The following GRIP1 variants were observed in gnomAD, a reference collection of about 807,000 sequenced individuals.
GRIP1 encodes the protein glutamate receptor-interacting protein 1.
A neutral mutation model predicts 129.9 loss-of-function variants in GRIP1; 45 were observed. The observed-to-expected ratio is 0.35, with a 90% CI of 0.27 to 0.44. The LOEUF (loss-of-function observed/expected upper bound fraction) is 0.44. Among genes scored for constraint, GRIP1 ranks in the 20% least tolerant of loss-of-function variants. The pLI, the probability that GRIP1 is intolerant of heterozygous loss-of-function variation, is 1.00. For synonymous variants in GRIP1, 530 were observed against 520.8 expected (o/e 1.02, Z -0.24); for missense variants, 1,196 against 1,396.8 (o/e 0.86, Z 2.29).
chr12:66,693,474 C>T (rs1230876101), intron 1 of GRIP1, among the ~76,000 whole-genome samples: 3 of 152,136 alleles, frequency 2.0e-5, no homozygotes, highest in African/African-American at 7.2e-5. Flanking sequence ...AGGGTTCCTT[C>T]ATTCACTGTT....
intron 1 of GRIP1, among the ~76,000 whole-genome samples, chr12:66,829,790 C>T (rs115541803): frequency 6.6e-6 from 1 of 152,234 alleles, no homozygotes; most frequent in African/African-American, 2.4e-5. Flanking sequence ...TTAGGAAAGC[C>T]TGCAGAGAGA....
chr12:67,000,371 A>T (rs1172446614), intron 1 of GRIP1, among the ~76,000 whole-genome samples: 1 of 152,180 alleles, frequency 6.6e-6, no homozygotes, highest in Non-Finnish European at 1.5e-5. Context: ...CATTTTTTCT[A>T]GCTAAATAAC....
chr12:66,970,398 T>C (rs2042055871), intron 1 of GRIP1, among the ~76,000 whole-genome samples: 1 of 152,198 alleles, frequency 6.6e-6, no homozygotes, highest in African/African-American at 2.4e-5. Flanking sequence ...TGTAATTTTC[T>C]GTTGAAAGCT....
chr12:66,970,540 C>CT (rs3051201), intron 1 of GRIP1, among the ~76,000 whole-genome samples: 1,613 of 129,724 alleles, frequency 0.012, 44 homozygotes, highest in African/African-American at 0.034. Context: ...CCTCTAGTGT[C>CT]TTTTTTTTTT....
chr12:66,420,908 G>T, intron 14 of GRIP1, 119 bp from the exon 15 acceptor site: 1 of 691,398 alleles, frequency 1.4e-6, no homozygotes, highest in South Asian at 1.6e-5. Flanking sequence ...AACAAAGATG[G>T]TCAGCAAATG....
chr12:66,966,354 A>G (rs1283177343), intron 1 of GRIP1, among the ~76,000 whole-genome samples: 1 of 152,220 alleles, frequency 6.6e-6, no homozygotes, highest in Admixed American at 6.6e-5. Flanking sequence ...TGCAAAAATT[A>G]CAAATATTAC....
At chr12:66,843,574 C>T (rs561858984) in intron 1 of GRIP1, among the ~76,000 whole-genome samples, 2 of 152,138 alleles carry the variant, frequency 1.3e-5, no homozygotes, top group East Asian at 3.9e-4. Context: ...TACAAAGCTA[C>T]AGTAATCAAA....
intron 1 of GRIP1, among the ~76,000 whole-genome samples, chr12:66,614,713 G>T (rs1031462619): frequency 6.6e-6 from 1 of 152,064 alleles, no homozygotes; most frequent in African/African-American, 2.4e-5. Context: ...CCAGATACCT[G>T]ACCATGGTCT....
chr12:66,830,161 G>C (rs545442714), intron 1 of GRIP1, among the ~76,000 whole-genome samples: 1 of 152,142 alleles, frequency 6.6e-6, no homozygotes, highest in African/African-American at 2.4e-5. Context: ...GTTAGTCCCT[G>C]CAACAACTTA....
intron 14 of GRIP1, among the ~76,000 whole-genome samples, chr12:66,432,092 T>C (rs1022553927): frequency 1.3e-5 from 2 of 152,116 alleles, no homozygotes; most frequent in Non-Finnish European, 2.9e-5. Context: ...CAATACACTG[T>C]GAATTAATAT....
At chr12:66,490,058 A>G (rs1365960935) in intron 7 of GRIP1, among the ~76,000 whole-genome samples, 1 of 152,196 alleles carries the variant, frequency 6.6e-6, no homozygotes, top group African/African-American at 2.4e-5. Flanking sequence ...TACTGCCCAC[A>G]GTACAGTATA....
At chr12:66,939,580 T>C (rs1170435898) in intron 1 of GRIP1, among the ~76,000 whole-genome samples, 1 of 152,200 alleles carries the variant, frequency 6.6e-6, no homozygotes, top group African/African-American at 2.4e-5. Context: ...ATATCCTGTA[T>C]GCTATCATTC....
At chr12:66,533,588 T>C (rs2061517019) in intron 4 of GRIP1, among the ~76,000 whole-genome samples, 1 of 152,040 alleles carries the variant, frequency 6.6e-6, no homozygotes. Flanking sequence ...GAGGTTGCAG[T>C]GAGCCGAGAT....
chr12:66,594,067 CAAAAAA>C (rs10661389), intron 2 of GRIP1, among the ~76,000 whole-genome samples: 1 of 52,930 alleles, frequency 1.9e-5, no homozygotes, highest in Non-Finnish European at 3.1e-5. Context: ...GACTCCGTCT[CAAAAAA>C]AAAAAAAAAA....
At chr12:66,368,653 C>A (rs1468270679) in intron 23 of GRIP1, among the ~76,000 whole-genome samples, 1 of 152,190 alleles carries the variant, frequency 6.6e-6, no homozygotes, top group African/African-American at 2.4e-5. Flanking sequence ...CATGCCACCA[C>A]CGCAAAACAG....
chr12:66,738,075 G>A (rs1175931313), intron 1 of GRIP1, among the ~76,000 whole-genome samples: 1 of 152,158 alleles, frequency 6.6e-6, no homozygotes, highest in African/African-American at 2.4e-5. Flanking sequence ...AGGCCTGGGG[G>A]CAGAGAGAAG....
At chr12:66,472,398 T>C (rs11176209) in intron 7 of GRIP1, among the ~76,000 whole-genome samples, 8,506 of 152,270 alleles carry the variant, frequency 0.056, 522 homozygotes, top group East Asian at 0.21. Flanking sequence ...ATATATTCTA[T>C]TGAATCTCAT....
At chr12:66,725,330 A>C (rs2036218946) in intron 1 of GRIP1, among the ~76,000 whole-genome samples, 1 of 152,092 alleles carries the variant, frequency 6.6e-6, no homozygotes, top group South Asian at 2.1e-4. Flanking sequence ...GAAAACAAAC[A>C]AAAATAAAAG....
chr12:66,788,111 C>CCATTCAAGA (rs1456439382), intron 1 of GRIP1, among the ~76,000 whole-genome samples: 1 of 152,034 alleles, frequency 6.6e-6, no homozygotes, highest in East Asian at 1.9e-4. Flanking sequence ...TTGATAGAAT[C>CCATTCAAGA]CATTCAAGAC....
Sources: allele counts gnomAD v4.1 joint callset (sites outside exome capture counted in the v4.1 genomes callset), GRCh38; gene constraint gnomAD v4.1.1; transcripts MANE v1.5; gene names NCBI Gene and HGNC (gene_info 2026-07-23, HGNC 2026-07-21).